Variants in SCYL1 observed in about 807,000 individuals in gnomAD.
The protein encoded by SCYL1 is N-terminal kinase-like protein.
In SCYL1, 85 loss-of-function variants were observed where a neutral mutation model predicts 94.8. The observed-to-expected ratio is 0.90, with a 90% CI of 0.75 to 1.07. The LOEUF is 1.07. SCYL1 is among the 50% of genes least tolerant of loss of function. The pLI, the probability that SCYL1 is intolerant of heterozygous loss-of-function variation, is 0.00. For synonymous variants in SCYL1, 459 were observed against 435.5 expected (o/e 1.05, Z -0.67); for missense variants, 968 against 1,083.3 (o/e 0.89, Z 1.49).
intron 7 of SCYL1, 117 bp from the exon 8 acceptor site, chr11:65,531,456 GCCC>G: frequency 1.4e-6 from 1 of 718,970 alleles, no homozygotes; most frequent in Non-Finnish European, 2.4e-6. Flanking sequence ...GGAAATGCCT[GCCC>G]CCCCCTCCGC....
intron 10 of SCYL1, 148 bp from the exon 11 acceptor site, chr11:65,535,805 G>A: frequency 1.3e-6 from 1 of 789,234 alleles, no homozygotes; most frequent in East Asian, 2.7e-5. Context: ...CAGAGTTTTA[G>A]GTCAACTCTC....
chr11:65,525,177 G>A lies in SCYL1; in HGVS notation c.24G>A (p.Pro8=). 8.5e-6 allele frequency: 12 copies of A among 1,403,700 alleles called. No individual in the cohort carries two copies. The highest frequency in any genetic ancestry group is 3.1e-5 in the Admixed American group (1 of 31,970). The allele number at this position is 1,403,700 out of a possible 1,614,324, so 87.0% of individuals were successfully genotyped here. Residue 8 remains proline (P), a synonymous_variant, in exon 1 of 18, where the codon CCG becomes CCA. Transcript: ENST00000270176. The part of the protein sequence containing the change: MWFFARD[P]VRDFPFELIP... ...CGATGTGGTTCTTTGCCCGGGACCC[G>A]GTCCGGGACTTTCCGTTCGAGCTCA...
rs373601396 is a variant in SCYL1 at position 65,526,132 on chromosome 11, C to T, written c.384C>T (p.Leu128=). The T allele has an allele frequency of 1.1e-4, 173 of 1,613,024 alleles. No individual in the cohort carries two copies. The Middle Eastern group carries it at 1.7e-3, about 15-fold the overall frequency. The change falls in exon 4 of 18, where the codon CTC becomes CTT. Residue 128 remains leucine, a synonymous_variant. Coordinates refer to ENST00000270176, the MANE Select transcript of SCYL1 (RefSeq NM_020680.4). The surrounding 1 kb of genome is among the most constrained non-coding windows in gnomAD (Gnocchi z 4.1). ...SWGLHQIVKA[L]SFLVNDCSLI... ...GCTCCTTTTGCCCCCAGAAAGCCCT[C>T]AGCTTCCTGGTCAACGACTGCAGCC...
At position 65,538,428 on chromosome 11, in the gene SCYL1, C is replaced by A; in HGVS notation, c.2303-14C>A. On this transcript the variant is annotated splice_polypyrimidine_tract_variant and intron_variant, in intron 17 of 17. Transcript: ENST00000270176. ...CTGGAGAGCTGAGACCGGGGCTCCC[C>A]TTCCTGACGCCAGGACAGGTCAAGG... 1 of 1,546,158 alleles carries A rather than the reference C, an allele frequency of 6.5e-7. No homozygotes were observed. Among genetic ancestry groups the A allele is most frequent in the South Asian group, 1.2e-5 (1 of 84,316 alleles).
intron 8 of SCYL1, 101 bp from the exon 9 acceptor site, chr11:65,532,591 G>A: frequency 3.2e-6 from 3 of 946,568 alleles, no homozygotes; most frequent in Non-Finnish European, 5.0e-6. Flanking sequence ...TGGCTGGCCA[G>A]TGCCTGCTGG....
intron 7 of SCYL1, 80 bp downstream of exon 7, chr11:65,530,867 T>A (rs1267022874): frequency 1.1e-5 from 17 of 1,488,686 alleles, no homozygotes; most frequent in Non-Finnish European, 1.4e-5. Flanking sequence ...TAGGGCAGGC[T>A]GTTTAGGGCA....
At chr11:65,530,902 CT>C in intron 7 of SCYL1, 115 bp downstream of exon 7, 4 of 1,168,680 alleles carry the variant, frequency 3.4e-6, no homozygotes, top group Non-Finnish European at 3.5e-6. Flanking sequence ...TGAGCAGGAG[CT>C]TCCTGCCAGT....
At chr11:65,530,838 C>CA (rs1415712476) in intron 7 of SCYL1, 51 bp downstream of exon 7, 1 of 1,559,326 alleles carries the variant, frequency 6.4e-7, no homozygotes, top group African/African-American at 1.4e-5. Flanking sequence ...CAGGAACTGC[C>CA]AAAGAGAAGG....
intron 6 of SCYL1, among the ~76,000 whole-genome samples, chr11:65,530,357 C>T (rs915260035): frequency 1.3e-5 from 2 of 152,202 alleles, no homozygotes; most frequent in African/African-American, 4.8e-5. Context: ...CAGCAACAGT[C>T]CCTAACCCAC....
intron 7 of SCYL1, 87 bp from the exon 8 acceptor site, chr11:65,531,489 T>A: frequency 2.1e-6 from 2 of 962,280 alleles, no homozygotes; most frequent in Non-Finnish European, 3.3e-6. Flanking sequence ...ATTCCCACCC[T>A]GGGATATCAG....
Position 65,525,210 on chromosome 11 carries a change from G to T in SCYL1, c.57G>T (p.Glu19Asp). The T allele has an allele frequency of 6.2e-6, 9 of 1,457,850 alleles. No individual in the cohort carries two copies. The highest frequency in any genetic ancestry group is 8.2e-6 in the Non-Finnish European group (9 of 1,100,992). 90.3% of individuals were successfully genotyped at this position (1,457,850 alleles called of 1,614,324 possible). Residue 19 changes from glutamate (E) to aspartate (D), a missense_variant, in exon 1 of 18, where the codon GAG becomes GAT. Transcript: ENST00000270176. ...VRDFPFELIP[E>D]PPEGGLPGPW... The stretch of plus-strand genomic sequence containing the variant: ...ACTTTCCGTTCGAGCTCATCCCGGA[G>T]CCCCCAGAGGGCGGCCTGCCCGGGC...
At chr11:65,533,958 G>A (rs1010244085) in intron 9 of SCYL1, among the ~76,000 whole-genome samples, 1 of 152,144 alleles carries the variant, frequency 6.6e-6, no homozygotes, top group African/African-American at 2.4e-5. Context: ...GGCTGGGCCC[G>A]GTTGCTCACA....
chr11:65,531,066 G>T (rs1210107794), intron 7 of SCYL1, among the ~76,000 whole-genome samples: 1 of 151,926 alleles, frequency 6.6e-6, no homozygotes, highest in East Asian at 1.9e-4. Context: ...AGGGCCCAGG[G>T]GATTACCTAC....
intron 14 of SCYL1, among the ~76,000 whole-genome samples, 195 bp from the exon 15 acceptor site, chr11:65,537,614 C>G (rs149931069): frequency 6.6e-6 from 1 of 152,258 alleles, no homozygotes; most frequent in East Asian, 1.9e-4. Flanking sequence ...ATCTAGATCT[C>G]ATTCCCCAGC....
At position 65,525,730 on chromosome 11, in the gene SCYL1, C is replaced by CCTGCCCGTCT. The variant is rs760881009; in HGVS notation, c.252+23_252+32dup. 2 of 1,611,762 alleles carry CCTGCCCGTCT rather than the reference C, an allele frequency of 1.2e-6. No homozygotes were observed. The highest frequency in any genetic ancestry group is 1.7e-6 in the Non-Finnish European group (2 of 1,179,352). On this transcript the variant is annotated intron_variant, in intron 2 of 17. Coordinates refer to ENST00000270176, the MANE Select transcript of SCYL1 (RefSeq NM_020680.4). ...TGGACTGGAGGTACCTGCTGCCTTGCCTGCCCGTCTCTGCCCCTCACGATG... is the reference window on the plus strand; with the variant it reads ...TGGACTGGAGGTACCTGCTGCCTTGCCTGCCCGTCTCTGCCCGTCTCTGCCCCTCACGATG...
intron 1 of SCYL1, 74 bp from the exon 2 acceptor site, chr11:65,525,500 C>A: frequency 6.4e-7 from 1 of 1,551,456 alleles, no homozygotes; most frequent in Non-Finnish European, 8.7e-7. Context: ...TGGGGAGAGA[C>A]CTGGCTGCGG....
Position 65,532,812 on chromosome 11 carries a change from G to T in SCYL1, c.1230+7G>T. 6.2e-7 allele frequency: 1 copy of T among 1,609,456 alleles called. No homozygotes were observed. Among genetic ancestry groups the T allele is most frequent in the Non-Finnish European group, 8.5e-7 (1 of 1,175,804 alleles). ...CCGGGAGCAGACGGTCAAGGTGGGT[G>T]TGGCCAGGCCCAGAGTGGCTACCCC... On this transcript the variant is annotated splice_region_variant and intron_variant, in intron 9 of 17. Transcript: ENST00000270176.
intron 14 of SCYL1, among the ~76,000 whole-genome samples, 171 bp downstream of exon 14, chr11:65,537,299 C>A (rs1397406980): frequency 6.6e-6 from 1 of 152,190 alleles, no homozygotes; most frequent in African/African-American, 2.4e-5. Flanking sequence ...AGCAGCAGGC[C>A]CCATTCAACC....
At position 65,537,960 on chromosome 11, in the gene SCYL1, T is replaced by C. The variant is rs1184516481; in HGVS notation, c.2032-7T>C. 5 of 1,608,008 alleles carry C rather than the reference T, an allele frequency of 3.1e-6. No homozygotes were observed. The South Asian group carries it at 5.6e-5, about 18-fold the overall frequency. ...CAGGGCTACTTCCCCCTCCCGCTCT[T>C]CTACAGGTCAGCAACTCCGACCACA... On this transcript the variant is annotated splice_region_variant and splice_polypyrimidine_tract_variant and intron_variant, in intron 15 of 17. Transcript: ENST00000270176.
Sources: gnomAD v4.1 joint callset for allele counts (sites outside exome capture counted in the v4.1 genomes callset) on GRCh38, gnomAD v4.1.1 for gene constraint, Gnocchi (gnomAD v3.1) non-coding constraint, MANE v1.5 for transcripts, NCBI Gene and HGNC (gene_info 2026-07-23, HGNC 2026-07-21) for gene names.